The following AVEN variants were observed in gnomAD, a reference collection of about 807,000 sequenced individuals.
AVEN encodes the protein cell death regulator Aven.
AVEN carries 41 observed loss-of-function variants against 38.1 expected under a neutral mutation model. That is an observed-to-expected ratio of 1.08 (90% CI 0.84 to 1.40). The LOEUF (loss-of-function observed/expected upper bound fraction) is 1.40. Among genes scored for constraint, AVEN ranks in the 40% most tolerant of loss-of-function variants. The probability of loss-of-function intolerance (pLI) is 0.00; values close to 1 mark genes in which losing one functional copy is unlikely to be tolerated. For synonymous variants in AVEN, 206 were observed against 171.8 expected, an observed-to-expected ratio of 1.20 and a Z score of -1.56; for missense variants, 605 against 438.8, an observed-to-expected ratio of 1.38 and a Z score of -3.38.
intron 2 of AVEN, among the ~76,000 whole-genome samples, chr15:33,935,026 G>C (rs945797851): frequency 6.6e-6 from 1 of 152,106 alleles, no homozygotes; most frequent in Admixed American, 6.5e-5. Flanking sequence ...TGAAAAGAAG[G>C]ATCCAAACAG....
chr15:33,893,779 C>T (rs997720505), intron 2 of AVEN, among the ~76,000 whole-genome samples: 2 of 152,124 alleles, frequency 1.3e-5, no homozygotes. Flanking sequence ...TGTGCTTATG[C>T]AGCCCCTCTG....
rs55793582 is a variant in AVEN, at chr15:33,871,774, C to CAAAAAAAAAAAAAAAAAAAA, written c.517-745_517-744insTTTTTTTTTTTTTTTTTTTT. Among the ~76,000 whole-genome samples the CAAAAAAAAAAAAAAAAAAAA allele has an allele frequency of 9.7e-4, 89 of 91,546 alleles. 2 individuals are homozygous for CAAAAAAAAAAAAAAAAAAAA. Among genetic ancestry groups the CAAAAAAAAAAAAAAAAAAAA allele is most frequent in the Non-Finnish European group, 1.4e-3 (61 of 44,382 alleles). 60.1% of individuals were successfully genotyped at this position (91,546 alleles called of 152,430 possible). A position where few individuals can be genotyped will look rare whatever the true frequency, so the allele number is the denominator to read the frequency against. Reference sequence around the variant, plus strand: ...AAGGTTTCAAACGAGCTAGTCTCCTCAAAAAAAAAAAAAAAAAGCCACTTT... The same window carrying CAAAAAAAAAAAAAAAAAAAA: ...AAGGTTTCAAACGAGCTAGTCTCCTCAAAAAAAAAAAAAAAAAAAAAAAAAAAAAAAAAAAAAGCCACTTT... On this transcript the variant is annotated intron_variant, in intron 3 of 5. Transcript: ENST00000306730.
exon 1 of AVEN, among the ~76,000 whole-genome samples, chr15:34,074,488 A>G (rs994580701): frequency 1.6e-4 from 25 of 152,196 alleles, no homozygotes; most frequent in African/African-American, 5.1e-4. Context: ...CAGCAGGGCC[A>G]TGATCCCTCT....
At chr15:33,956,837 G>T (rs949331420) in intron 2 of AVEN, among the ~76,000 whole-genome samples, 2 of 152,164 alleles carry the variant, frequency 1.3e-5, no homozygotes, top group African/African-American at 4.8e-5. Flanking sequence ...ACATCATCCT[G>T]ATACGAGGTT....
downstream of AVEN, chr15:33,865,324 T>C: frequency 3.7e-6 from 3 of 821,072 alleles, no homozygotes; most frequent in Non-Finnish European, 5.8e-6. Context: ...ATGTGACATT[T>C]TCTAAATGCC....
At position 34,063,220 on chromosome 15, in the gene AVEN, G is replaced by T. The variant is rs1409014295; in HGVS notation, n.1339C>A. ...ATCCTCTGGGCCCCAGCAATCCTCT[G>T]CTGGCAGTACTTGGTTGGGAAGCGG... On this transcript the variant is annotated non_coding_transcript_exon_variant, in exon 5 of 12. Coordinates refer to the AVEN transcript ENST00000675287. This position sits in a 1 kb window ranked among gnomAD's most constrained non-coding sequence, Gnocchi z 4.1. 9.3e-6 allele frequency: 15 copies of T among 1,614,058 alleles called. No homozygotes were observed. The highest frequency in any genetic ancestry group is 1.3e-5 in the Non-Finnish European group (15 of 1,180,038).
intron 1 of AVEN, among the ~76,000 whole-genome samples, chr15:34,022,283 A>C (rs1188078436): frequency 1.3e-5 from 2 of 152,236 alleles, no homozygotes; most frequent in African/African-American, 4.8e-5. Context: ...TTTCAGAGGC[A>C]GAACAATTAA....
intron 5 of AVEN, among the ~76,000 whole-genome samples, chr15:34,051,356 A>G (rs1259037402): frequency 1.3e-5 from 2 of 152,224 alleles, no homozygotes; most frequent in Non-Finnish European, 2.9e-5. Context: ...TAAGAGGGAA[A>G]TTTATAGCAC....
intron 1 of AVEN, among the ~76,000 whole-genome samples, chr15:34,031,300 G>A (rs1457931779): frequency 2.7e-5 from 4 of 147,022 alleles, no homozygotes; most frequent in Admixed American, 1.4e-4. Flanking sequence ...TCAGCCTCCC[G>A]AGTAGCTGGG....
chr15:34,021,748 G>A (rs1898209153), intron 1 of AVEN, among the ~76,000 whole-genome samples: 1 of 152,070 alleles, frequency 6.6e-6, no homozygotes, highest in Admixed American at 6.6e-5. Context: ...CCAGCTACTG[G>A]GGAGGCTGAG....
At chr15:34,017,131 G>A (rs1179323935) in intron 1 of AVEN, among the ~76,000 whole-genome samples, 2 of 48,000 alleles carry the variant, frequency 4.2e-5, no homozygotes, top group African/African-American at 6.7e-5. Context: ...CTGTCTCAAG[G>A]GGGAAAAAAA....
At position 34,073,986 on chromosome 15, in the gene AVEN, C is replaced by T. The variant is rs939503423; in HGVS notation, n.720+450G>A. ...TGGAGGAACTTTCTTTTTTCTTCTT[C>T]TTCTTTTTTTTTTTTTTTTTTTTTT... On this transcript the variant is annotated intron_variant and non_coding_transcript_variant, in intron 1 of 11. Transcript: ENST00000675287. Among the ~76,000 whole-genome samples, 456 of 112,110 alleles carry T rather than the reference C, an allele frequency of 4.1e-3. 55 individuals are homozygous for T. The highest frequency in any genetic ancestry group is 0.015 in the African/African-American group (368 of 24,206). The allele number at this position is 112,110 out of a possible 152,430, so 73.5% of individuals were successfully genotyped here.
chr15:34,071,719 G>A (rs1321146996), intron 1 of AVEN, among the ~76,000 whole-genome samples: 3 of 152,122 alleles, frequency 2.0e-5, no homozygotes, highest in African/African-American at 7.2e-5. Flanking sequence ...GCACTGCAGT[G>A]GAAAACACCA....
At chr15:33,999,490 A>G (rs1897058311) in intron 2 of AVEN, among the ~76,000 whole-genome samples, 1 of 152,186 alleles carries the variant, frequency 6.6e-6, no homozygotes, top group Non-Finnish European at 1.5e-5. Flanking sequence ...CACTTTTAAT[A>G]CATGCAACAC....
intron 1 of AVEN, among the ~76,000 whole-genome samples, chr15:34,015,747 G>A (rs927419017): frequency 1.4e-4 from 22 of 151,910 alleles, no homozygotes; most frequent in African/African-American, 4.1e-4. Flanking sequence ...TCAATGACAC[G>A]TCTCACACGG....
rs533788693 is a variant in AVEN at position 33,899,460 on chromosome 15, C to CTTTTTTTTTTTTTTTT, written c.446-23481_446-23466dup. 8.9e-4 allele frequency among the ~76,000 whole-genome samples: 58 copies of CTTTTTTTTTTTTTTTT among 65,430 alleles called. 1 individual carries two copies. The highest frequency in any genetic ancestry group is 1.5e-3 in the East Asian group (3 of 2,030). The allele number at this position is 65,430 out of a possible 152,430, so 42.9% of individuals were successfully genotyped here. A position where few individuals can be genotyped will look rare whatever the true frequency, so the allele number is the denominator to read the frequency against. On this transcript the variant is annotated intron_variant, in intron 2 of 5. Transcript: ENST00000306730. ...TACATTTATTTGCTTCAGGGAAAAC[C>CTTTTTTTTTTTTTTTT]TTTTTTTTTTTTTTTTTTTTTTTTT...
intron 1 of AVEN, among the ~76,000 whole-genome samples, chr15:34,014,457 G>A (rs1313091859): frequency 2.0e-5 from 3 of 147,218 alleles, no homozygotes; most frequent in Non-Finnish European, 4.4e-5. Context: ...CAGGTCCCCT[G>A]ATAAAAAATA....
At chr15:33,868,766 G>C (rs1484291196) in intron 4 of AVEN, among the ~76,000 whole-genome samples, 2 of 151,722 alleles carry the variant, frequency 1.3e-5, no homozygotes, top group Non-Finnish European at 2.9e-5. Flanking sequence ...GTGCCTTTTG[G>C]GGAGAGAGTG....
At chr15:33,995,486 A>C (rs1033869283) in intron 2 of AVEN, among the ~76,000 whole-genome samples, 1 of 152,192 alleles carries the variant, frequency 6.6e-6, no homozygotes, top group African/African-American at 2.4e-5. Flanking sequence ...TAGCATTCCT[A>C]GATTTTGGTA....
Sources: allele counts gnomAD v4.1 joint callset (sites outside exome capture counted in the v4.1 genomes callset), GRCh38; gene constraint gnomAD v4.1.1; non-coding constraint Gnocchi (gnomAD v3.1); transcripts MANE v1.5; gene names NCBI Gene and HGNC (gene_info 2026-07-23, HGNC 2026-07-21).